Variants in ASTN2 observed in about 807,000 individuals in gnomAD.
ASTN2 encodes the protein astrotactin 2.
Under a neutral mutation model 139.8 loss-of-function variants are expected in ASTN2, and 54 were observed. The observed-to-expected ratio is 0.39, with a 90% confidence interval of 0.31 to 0.48. The LOEUF is 0.48. Among genes scored for constraint, ASTN2 ranks in the 20% least tolerant of loss-of-function variants. ASTN2 has a pLI of 0.95. For synonymous variants in ASTN2, 756 were observed against 719.5 expected, an observed-to-expected ratio of 1.05 and a Z score of -0.81; for missense variants, 1,565 against 1,725.1, an observed-to-expected ratio of 0.91 and a Z score of 1.64.
chr9:116,927,675 C>T (rs1462476247), intron 10 of ASTN2, among the ~76,000 whole-genome samples: 1 of 152,198 alleles, frequency 6.6e-6, no homozygotes, highest in East Asian at 1.9e-4. Context: ...CTCTATTAGG[C>T]TCCAAACTCT....
At chr9:117,068,800 G>C (rs1230324046) in intron 5 of ASTN2, among the ~76,000 whole-genome samples, 3 of 135,010 alleles carry the variant, frequency 2.2e-5, no homozygotes, top group Non-Finnish European at 3.3e-5. Flanking sequence ...TTGCGTACAG[G>C]TGTTTGTAGT....
chr9:117,326,438 G>GA lies in ASTN2; in HGVS notation c.443-34926dup, dbSNP rs569167374. 9.5e-4 allele frequency among the ~76,000 whole-genome samples: 144 copies of GA among 151,522 alleles called. 2 individuals carry two copies. Among genetic ancestry groups the GA allele is most frequent in the South Asian group, 9.0e-3 (43 of 4,780 alleles). ...CTGGAGGCTGAGCACAGATCATAAG[G>GA]AAAAAAAACAGGCATATAAATAATA... On this transcript the variant is annotated intron_variant, in intron 1 of 22. Transcript: ENST00000313400.
intron 16 of ASTN2, among the ~76,000 whole-genome samples, chr9:116,718,539 CT>C (rs1430206237): frequency 6.6e-6 from 1 of 152,090 alleles, no homozygotes. Context: ...AAATAGTATT[CT>C]GGTTATGTAT....
intron 19 of ASTN2, among the ~76,000 whole-genome samples, chr9:116,532,638 T>C (rs1466150408): frequency 6.6e-6 from 1 of 152,218 alleles, no homozygotes; most frequent in Admixed American, 6.5e-5. Flanking sequence ...CCATTTCTTG[T>C]TTTTGTCAGG....
intron 2 of ASTN2, among the ~76,000 whole-genome samples, chr9:117,285,564 T>C (rs1361249393): frequency 6.6e-6 from 1 of 152,222 alleles, no homozygotes; most frequent in African/African-American, 2.4e-5. Flanking sequence ...TTTATATTCC[T>C]CAAAGTATTA....
At chr9:116,596,178 C>G (rs1854566796) in intron 19 of ASTN2, among the ~76,000 whole-genome samples, 1 of 152,110 alleles carries the variant, frequency 6.6e-6, no homozygotes, top group African/African-American at 2.4e-5. Context: ...AAGCCAGTCA[C>G]AGAAGAACAA....
intron 19 of ASTN2, among the ~76,000 whole-genome samples, chr9:116,592,718 C>G (rs763501482): frequency 6.6e-6 from 1 of 152,150 alleles, no homozygotes; most frequent in East Asian, 1.9e-4. Flanking sequence ...GAAAGTCATA[C>G]AACCTTAGAG....
chr9:117,337,108 T>C (rs1051242440), intron 1 of ASTN2, among the ~76,000 whole-genome samples: 1 of 152,144 alleles, frequency 6.6e-6, no homozygotes, highest in African/African-American at 2.4e-5. Flanking sequence ...TAAAAATACA[T>C]GTATGCAAAT....
chr9:116,690,269 A>G (rs988676318), intron 16 of ASTN2, among the ~76,000 whole-genome samples: 4 of 152,230 alleles, frequency 2.6e-5, no homozygotes, highest in African/African-American at 9.6e-5. Context: ...AGTGAATTCA[A>G]TCCTGCTAAC....
chr9:117,345,228 T>C (rs1829179571), intron 1 of ASTN2, among the ~76,000 whole-genome samples: 1 of 152,140 alleles, frequency 6.6e-6, no homozygotes, highest in Non-Finnish European at 1.5e-5. Flanking sequence ...TTCACTCCTG[T>C]GAATGTTCAA....
chr9:116,641,791 T>G (rs1459364516), intron 17 of ASTN2, among the ~76,000 whole-genome samples: 1 of 152,132 alleles, frequency 6.6e-6, no homozygotes, highest in Non-Finnish European at 1.5e-5. Flanking sequence ...ATTAAGTTCC[T>G]CTTTTGTAAT....
intron 10 of ASTN2, among the ~76,000 whole-genome samples, chr9:116,899,339 G>C (rs953100383): frequency 5.3e-5 from 8 of 152,146 alleles, no homozygotes; most frequent in Non-Finnish European, 8.8e-5. Flanking sequence ...CAGGCCTCTT[G>C]CTTTTACATG....
intron 2 of ASTN2, among the ~76,000 whole-genome samples, chr9:117,220,222 G>C (rs1452825724): frequency 6.6e-6 from 1 of 151,986 alleles, no homozygotes; most frequent in African/African-American, 2.4e-5. Flanking sequence ...GCTTCCTGGG[G>C]TCCTTAAAAT....
At chr9:117,211,938 C>CCCATACAGTTAG (rs59160255) in intron 3 of ASTN2, among the ~76,000 whole-genome samples, 1 of 152,078 alleles carries the variant, frequency 6.6e-6, no homozygotes, top group Non-Finnish European at 1.5e-5. Flanking sequence ...CTCCCATGCT[C>CCCATACAGTTAG]ATGCAATCTT....
intron 3 of ASTN2, among the ~76,000 whole-genome samples, chr9:117,165,885 AAAGT>A (rs1230754067): frequency 6.6e-6 from 1 of 152,144 alleles, no homozygotes; most frequent in East Asian, 1.9e-4. Context: ...TGCCTTATGC[AAAGT>A]AAGTGTCTAG....
chr9:116,506,629 TAG>T (rs1053582021), intron 19 of ASTN2, among the ~76,000 whole-genome samples: 1 of 151,974 alleles, frequency 6.6e-6, no homozygotes, highest in Admixed American at 6.6e-5. Context: ...GATTGATAAA[TAG>T]AGAGAATGTG....
chr9:116,639,964 A>G lies in ASTN2; in HGVS notation c.3072+11564T>C, dbSNP rs10983288. On this transcript the variant is annotated intron_variant, in intron 17 of 22. Coordinates refer to ENST00000313400, the MANE Select transcript of ASTN2 (RefSeq NM_001365068.1). ...TAAGTGTATTTATTGAATTTCTACTATGCATCAGGCACTTTACTATCAGCT... is the reference window on the plus strand; with the variant it reads ...TAAGTGTATTTATTGAATTTCTACTGTGCATCAGGCACTTTACTATCAGCT... Among the ~76,000 whole-genome samples the G allele has an allele frequency of 0.019, 2,906 of 152,238 alleles. 399 individuals are homozygous for G. The South Asian group carries it at 0.29, about 15-fold the overall frequency.
intron 1 of ASTN2, among the ~76,000 whole-genome samples, chr9:117,328,224 T>C (rs1313316318): frequency 6.6e-6 from 1 of 152,082 alleles, no homozygotes; most frequent in Non-Finnish European, 1.5e-5. Flanking sequence ...ATCCATGAAA[T>C]TGAAAGCATG....
chr9:117,153,756 C>T (rs1830374818), intron 3 of ASTN2, among the ~76,000 whole-genome samples: 1 of 151,980 alleles, frequency 6.6e-6, no homozygotes, highest in Admixed American at 6.6e-5. Context: ...GAGGATGATC[C>T]AAGAATTGAC....
Sources: gnomAD v4.1 joint callset for allele counts (sites outside exome capture counted in the v4.1 genomes callset) on GRCh38, gnomAD v4.1.1 for gene constraint, MANE v1.5 for transcripts, NCBI Gene and HGNC (gene_info 2026-07-23, HGNC 2026-07-21) for gene names.